MMP26: variants seen among roughly 807,000 people sequenced by gnomAD.
MMP26 encodes the protein matrix metallopeptidase 26, also known as matrix metalloproteinase-26.
MMP26 carries 33 observed loss-of-function variants against 31.0 expected under a neutral mutation model. That is an observed-to-expected ratio of 1.06 (90% CI 0.81 to 1.42). MMP26 has a LOEUF of 1.42. Ranked by LOEUF, MMP26 falls within the 40% of genes most tolerant of loss-of-function variation. The pLI, the probability that MMP26 is intolerant of heterozygous loss-of-function variation, is 0.00. For missense variants in MMP26, 347 were observed against 316.1 expected (o/e 1.10, Z -0.74); for synonymous variants, 122 against 114.9 (o/e 1.06, Z -0.40).
intron 2 of MMP26, among the ~76,000 whole-genome samples, chr11:4,926,887 T>A (rs1409421045): frequency 6.6e-6 from 1 of 152,198 alleles, no homozygotes; most frequent in Non-Finnish European, 1.5e-5. Flanking sequence ...ACATGTTGAA[T>A]AAATGTATGA....
rs187417511 is a variant in MMP26, at chr11:4,859,103, T to C, written c.-145+91762T>C. Among the ~76,000 whole-genome samples, 34 of 152,270 alleles carry C rather than the reference T, an allele frequency of 2.2e-4. 1 individual carries two copies. The highest frequency in any genetic ancestry group is 8.2e-4 in the African/African-American group (34 of 41,558). ...GGATTAAAGACTTAAATATTAGAAC[T>C]AAAACCATAAAAACCCTAGAATAAA... On this transcript the variant is annotated intron_variant, in intron 2 of 7. Transcript: ENST00000380390.
chr11:4,946,290 G>A, intron 2 of MMP26: 1 of 1,613,926 alleles, frequency 6.2e-7, no homozygotes, highest in Non-Finnish European at 8.5e-7. Flanking sequence ...TTAATGAGGG[G>A]AGAGACATGC....
intron 2 of MMP26, among the ~76,000 whole-genome samples, chr11:4,897,979 A>G (rs933225155): frequency 6.7e-6 from 1 of 148,832 alleles, no homozygotes; most frequent in Non-Finnish European, 1.5e-5. Flanking sequence ...ATAAATTTAA[A>G]AAGTTTCTAT....
At chr11:4,753,336 GTC>G (rs1848469558) in intron 1 of MMP26, among the ~76,000 whole-genome samples, 1 of 151,860 alleles carries the variant, frequency 6.6e-6, no homozygotes. Context: ...TCAGTATTTT[GTC>G]TGTGAGATTA....
At chr11:4,878,724 C>G (rs1850418602) in intron 2 of MMP26, among the ~76,000 whole-genome samples, 1 of 152,008 alleles carries the variant, frequency 6.6e-6, no homozygotes, top group Non-Finnish European at 1.5e-5. Context: ...TCTTTCTGTT[C>G]TTATTTAATA....
chr11:4,914,621 A>T, intron 2 of MMP26: 1 of 807,630 alleles, frequency 1.2e-6, no homozygotes. Flanking sequence ...TTTGTTGAGT[A>T]AGTAAATGTC....
chr11:4,817,844 C>T (rs1849442320), intron 2 of MMP26, among the ~76,000 whole-genome samples: 1 of 152,012 alleles, frequency 6.6e-6, no homozygotes, highest in Admixed American at 6.6e-5. Flanking sequence ...TTAGAGAAGG[C>T]CAGGTCCAAG....
rs116414905 is a variant in MMP26 at position 4,976,754 on chromosome 11, C to G, written c.-144-11314C>G. Among the ~76,000 whole-genome samples, 125 of 152,144 alleles carry G rather than the reference C, an allele frequency of 8.2e-4. 1 individual carries two copies. Among genetic ancestry groups the G allele is most frequent in the African/African-American group, 2.9e-3 (120 of 41,454 alleles). ...TAAGAGTGGACTCAAACAGAATCAG[C>G]TGAATTGCTATACTGCATGTAAATT... is the stretch of plus-strand genomic sequence containing the variant. On this transcript the variant is annotated intron_variant, in intron 2 of 7. Transcript: ENST00000380390.
At chr11:4,991,342 A>G (rs1444456630) in intron 5 of MMP26, 29 bp from the exon 6 acceptor site, 1 of 1,604,212 alleles carries the variant, frequency 6.2e-7, no homozygotes, top group East Asian at 2.2e-5. Flanking sequence ...CTCCACCCTC[A>G]TTGTGATCAT....
intron 2 of MMP26, chr11:4,882,419 C>T: frequency 6.2e-7 from 1 of 1,613,906 alleles, no homozygotes; most frequent in Non-Finnish European, 8.5e-7. Context: ...TCATGGGGGT[C>T]ACGAGCTTTC....
intron 2 of MMP26, among the ~76,000 whole-genome samples, chr11:4,820,078 C>T (rs1427312719): frequency 3.3e-5 from 5 of 152,176 alleles, no homozygotes; most frequent in East Asian, 1.9e-4. Flanking sequence ...AGATACCACA[C>T]GGACCATAGT....
chr11:4,910,280 A>G (rs1215763999), intron 2 of MMP26, among the ~76,000 whole-genome samples: 10 of 152,028 alleles, frequency 6.6e-5, no homozygotes, highest in African/African-American at 2.4e-4. Context: ...ATCTCTGACC[A>G]TGGCCAGTAA....
chr11:4,908,000 G>A lies in MMP26; in HGVS notation c.-144-80068G>A, dbSNP rs374202327. On this transcript the variant is annotated intron_variant, in intron 2 of 7. Transcript: ENST00000380390. ...TGCTCTCTGTACTATGCTGGACTTGGCACTGATTGTTTTGTCTTATGTGCT... is the reference window on the plus strand; with the variant it reads ...TGCTCTCTGTACTATGCTGGACTTGACACTGATTGTTTTGTCTTATGTGCT... The A allele has an allele frequency of 1.5e-5, 25 of 1,614,040 alleles. No homozygotes were observed. The East Asian group carries it at 4.9e-4, about 32-fold the overall frequency.
chr11:4,797,107 A>G (rs180737885), intron 2 of MMP26, among the ~76,000 whole-genome samples: 44 of 152,202 alleles, frequency 2.9e-4, no homozygotes, highest in African/African-American at 9.9e-4. Flanking sequence ...CCCCTATTCC[A>G]GGCTGCTAAG....
chr11:4,723,042 G>A, intron 1 of MMP26: 1 of 1,102,338 alleles, frequency 9.1e-7, no homozygotes, highest in South Asian at 1.2e-5. Context: ...TCCAGGGCCA[G>A]TTTGACTTTC....
At chr11:4,789,681 C>T (rs932795940) in intron 2 of MMP26, among the ~76,000 whole-genome samples, 2 of 151,418 alleles carry the variant, frequency 1.3e-5, no homozygotes, top group Non-Finnish European at 2.9e-5. Context: ...GCTGGGACTA[C>T]AGGTGCCTGC....
intron 2 of MMP26, chr11:4,822,075 C>G (rs867720989): frequency 1.2e-6 from 2 of 1,613,800 alleles, no homozygotes; most frequent in Admixed American, 1.7e-5. Context: ...GCATCCTGCT[C>G]TCCTATATCC....
At chr11:4,875,492 A>G (rs1019846828) in intron 2 of MMP26, 1 of 152,066 alleles carries the variant, frequency 6.6e-6, no homozygotes, top group Non-Finnish European at 1.5e-5. Flanking sequence ...TATTTTCTGG[A>G]GACTTAGGGG....
chr11:4,968,006 AG>A (rs1433998636), intron 2 of MMP26, among the ~76,000 whole-genome samples: 1 of 152,116 alleles, frequency 6.6e-6, no homozygotes. Context: ...ATTCTTTATG[AG>A]TTCATTCAGT....
Sources: allele counts gnomAD v4.1 joint callset (sites outside exome capture counted in the v4.1 genomes callset), GRCh38; gene constraint gnomAD v4.1.1; transcripts MANE v1.5; gene names NCBI Gene and HGNC (gene_info 2026-07-23, HGNC 2026-07-21).